Variants in ESRRG observed in about 807,000 individuals in gnomAD.
ESRRG encodes the protein estrogen related receptor gamma.
ESRRG carries 13 observed loss-of-function variants against 44.0 expected under a neutral mutation model. The ratio of observed to expected loss-of-function variants is 0.30; its 90% CI spans 0.19 to 0.47. ESRRG has a LOEUF of 0.47. ESRRG is among the 20% of genes least tolerant of loss of function. ESRRG has a pLI of 1.00. For synonymous variants in ESRRG, 215 were observed against 214.6 expected, an observed-to-expected ratio of 1.00 and a Z score of -0.02; for missense variants, 395 against 580.6, an observed-to-expected ratio of 0.68 and a Z score of 3.29.
intron 1 of ESRRG, among the ~76,000 whole-genome samples, chr1:217,133,471 G>A (rs181945611): frequency 6.6e-6 from 1 of 152,368 alleles, no homozygotes; most frequent in Admixed American, 6.5e-5. Context: ...GCGTGTCATA[G>A]AAACATTTTG....
chr1:216,587,555 C>T (rs1183096933), intron 3 of ESRRG, among the ~76,000 whole-genome samples: 1 of 152,064 alleles, frequency 6.6e-6, no homozygotes, highest in Non-Finnish European at 1.5e-5. Flanking sequence ...TTTAGCCAGA[C>T]TAAATTAACC....
intron 1 of ESRRG, among the ~76,000 whole-genome samples, chr1:216,707,863 G>T (rs2082749083): frequency 6.6e-6 from 1 of 152,104 alleles, no homozygotes; most frequent in East Asian, 1.9e-4. Context: ...TGGTTATATG[G>T]AATACACTTC....
intron 1 of ESRRG, among the ~76,000 whole-genome samples, chr1:216,969,314 A>G (rs996348140): frequency 6.6e-6 from 1 of 152,196 alleles, no homozygotes; most frequent in Non-Finnish European, 1.5e-5. Flanking sequence ...TATTCGATGA[A>G]TGAATGACTA....
intron 2 of ESRRG, among the ~76,000 whole-genome samples, chr1:216,666,738 C>T (rs565999278): frequency 3.2e-4 from 48 of 152,316 alleles, no homozygotes; most frequent in African/African-American, 1.1e-3. Context: ...TGAAAGTCCA[C>T]TCACAAATTT....
chr1:217,107,326 A>G (rs541602582), intron 1 of ESRRG, among the ~76,000 whole-genome samples: 1 of 152,350 alleles, frequency 6.6e-6, no homozygotes, highest in African/African-American at 2.4e-5. Flanking sequence ...TTAACAGTGT[A>G]GCTCACATTA....
At chr1:216,815,939 C>G (rs1190726594) in intron 2 of ESRRG, among the ~76,000 whole-genome samples, 1 of 152,182 alleles carries the variant, frequency 6.6e-6, no homozygotes, top group Non-Finnish European at 1.5e-5. Flanking sequence ...CACACACACA[C>G]AGGAAGTGGC....
Position 216,931,582 on chromosome 1 carries a change from G to C in ESRRG, c.-14+8000C>G, listed in dbSNP as rs900005424. Reference sequence around the variant, plus strand: ...CTCTCAGGAGGACCAGCTGCACCCCGCCTCCCAACTGGCCCAATTGGCCCA... The same window carrying C: ...CTCTCAGGAGGACCAGCTGCACCCCCCCTCCCAACTGGCCCAATTGGCCCA... On this transcript the variant is annotated intron_variant, in intron 2 of 7. Coordinates refer to the ESRRG transcript ENST00000359162. Among the ~76,000 whole-genome samples, 3 of 151,834 alleles carry C rather than the reference G, an allele frequency of 2.0e-5. No individual in the cohort carries two copies. In the South Asian group the frequency reaches 6.2e-4, roughly 31 times the overall value.
chr1:216,555,916 A>G (rs1383634392), intron 5 of ESRRG, among the ~76,000 whole-genome samples: 1 of 152,074 alleles, frequency 6.6e-6, no homozygotes, highest in Non-Finnish European at 1.5e-5. Context: ...GACGCAGGGG[A>G]AAAAGTGCGA....
chr1:216,847,499 T>C (rs2095772261), intron 2 of ESRRG, among the ~76,000 whole-genome samples: 1 of 152,072 alleles, frequency 6.6e-6, no homozygotes, highest in African/African-American at 2.4e-5. Context: ...ATGAACGCTT[T>C]TTGCATTCTG....
At chr1:216,681,744 T>C (rs2077066544) in intron 1 of ESRRG, among the ~76,000 whole-genome samples, 1 of 149,538 alleles carries the variant, frequency 6.7e-6, no homozygotes. Flanking sequence ...AGTTAATTAA[T>C]GGTGTGTATA....
chr1:216,548,053 C>A (rs561523333), intron 5 of ESRRG, among the ~76,000 whole-genome samples: 1 of 152,106 alleles, frequency 6.6e-6, no homozygotes, highest in Non-Finnish European at 1.5e-5. Flanking sequence ...CCTAGAAAGA[C>A]CTGGACAGTA....
intron 1 of ESRRG, among the ~76,000 whole-genome samples, chr1:216,682,741 T>TGTGTG (rs1553496190): frequency 6.6e-6 from 1 of 151,098 alleles, no homozygotes; most frequent in African/African-American, 2.4e-5. Context: ...TGTGTGTGTG[T>TGTGTG]TTTATGCTTT....
chr1:216,791,547 A>G (rs1249260162), intron 2 of ESRRG, among the ~76,000 whole-genome samples: 3 of 152,138 alleles, frequency 2.0e-5, no homozygotes, highest in African/African-American at 7.2e-5. Flanking sequence ...GATTCCTTGG[A>G]AATCATCACT....
At chr1:216,841,437 T>C (rs2095652010) in intron 2 of ESRRG, among the ~76,000 whole-genome samples, 1 of 152,152 alleles carries the variant, frequency 6.6e-6, no homozygotes, top group Non-Finnish European at 1.5e-5. Flanking sequence ...TGAGGGATTT[T>C]ACAGGAATTC....
At chr1:216,632,928 T>C (rs2064528150) in intron 3 of ESRRG, among the ~76,000 whole-genome samples, 1 of 152,194 alleles carries the variant, frequency 6.6e-6, no homozygotes. Context: ...ATAATATCCT[T>C]TTCCTTTGCC....
chr1:216,624,262 G>A (rs1206741810), intron 3 of ESRRG, among the ~76,000 whole-genome samples: 6 of 152,174 alleles, frequency 3.9e-5, no homozygotes, highest in African/African-American at 7.2e-5. Flanking sequence ...GTGAGTTTCT[G>A]TTACTGTGTT....
At chr1:216,704,782 T>A (rs1451133483) in intron 1 of ESRRG, among the ~76,000 whole-genome samples, 3 of 149,064 alleles carry the variant, frequency 2.0e-5, no homozygotes, top group Non-Finnish European at 4.5e-5. Flanking sequence ...TTTTAAATCA[T>A]AATTTAAATA....
At chr1:217,102,834 C>T (rs2092536986) in intron 1 of ESRRG, among the ~76,000 whole-genome samples, 1 of 151,830 alleles carries the variant, frequency 6.6e-6, no homozygotes, top group Non-Finnish European at 1.5e-5. Context: ...TAGAGGTACA[C>T]AGAAAAAGGC....
At chr1:217,012,104 G>A (rs1293671486) in intron 1 of ESRRG, among the ~76,000 whole-genome samples, 1 of 152,044 alleles carries the variant, frequency 6.6e-6, no homozygotes, top group Non-Finnish European at 1.5e-5. Flanking sequence ...CTTTGGAGGG[G>A]ACCCATGAAA....
Sources: allele counts gnomAD v4.1 joint callset (sites outside exome capture counted in the v4.1 genomes callset), GRCh38; gene constraint gnomAD v4.1.1; transcripts MANE v1.5; gene names NCBI Gene and HGNC (gene_info 2026-07-23, HGNC 2026-07-21).